The following ENG variants were observed in gnomAD, a reference collection of about 807,000 sequenced individuals.
ENG encodes endoglin.
A neutral mutation model predicts 71.0 loss-of-function variants in ENG; 17 were observed. That is an observed-to-expected ratio of 0.24 (90% CI 0.16 to 0.36). ENG has a LOEUF of 0.36. Ranked by LOEUF, ENG falls within the 10% of genes least tolerant of loss-of-function variation. The pLI, the probability that ENG is intolerant of heterozygous loss-of-function variation, is 1.00. For missense variants in ENG, 749 were observed against 868.3 expected (o/e 0.86, Z 1.73); for synonymous variants, 360 against 366.9 (o/e 0.98, Z 0.21).
chr9:127,824,745 G>A (rs936559200), intron 7 of ENG, 55 bp downstream of exon 7: 1 of 1,446,188 alleles, frequency 6.9e-7, no homozygotes, highest in Non-Finnish European at 9.1e-7. Context: ...CCAACAGTGT[G>A]GCCACTGATC....
In ENG at chr9:127,836,724, T is replaced by C. The variant is rs1206182426; in HGVS notation, c.219+6370A>G. ...ATGGTATTCCCACTTCATTGACTTATGAGGTTTCAGTGCAATTCTGCCTGC... is the reference window on the plus strand; with the variant it reads ...ATGGTATTCCCACTTCATTGACTTACGAGGTTTCAGTGCAATTCTGCCTGC... On this transcript the variant is annotated intron_variant, in intron 2 of 14. Transcript: ENST00000373203. The surrounding 1 kb of genome is among the most constrained non-coding windows in gnomAD (Gnocchi z 4.0). 2.0e-5 allele frequency among the ~76,000 whole-genome samples: 3 copies of C among 152,242 alleles called. No homozygotes were observed. The highest frequency in any genetic ancestry group is 2.9e-5 in the Non-Finnish European group (2 of 68,034).
Position 127,817,220 on chromosome 9 carries a change from G to GCGCA in ENG, c.1687-18_1687-17insTGCG. The GCGCA allele has an allele frequency of 6.2e-7, 1 of 1,614,060 alleles. No individual in the cohort carries two copies. The highest frequency in any genetic ancestry group is 8.5e-7 in the Non-Finnish European group (1 of 1,179,964). ...ATGGACTTCCTGGAGGAGAAAGAGA[G>GCGCA]AGCAGTATGTGGCACCTTTGGGAGG... is the stretch of plus-strand genomic sequence containing the variant. On this transcript the variant is annotated splice_polypyrimidine_tract_variant and intron_variant, in intron 12 of 14. Coordinates refer to ENST00000373203, the MANE Select transcript of ENG (RefSeq NM_001114753.3).
chr9:127,820,961 G>A (rs1830454894), intron 8 of ENG, among the ~76,000 whole-genome samples: 1 of 152,116 alleles, frequency 6.6e-6, no homozygotes, highest in South Asian at 2.1e-4. Context: ...TTCCTATAAA[G>A]AGCCAGATAG....
chr9:127,850,503 G>A (rs905136442), intron 1 of ENG, among the ~76,000 whole-genome samples: 5 of 152,198 alleles, frequency 3.3e-5, no homozygotes, highest in Admixed American at 1.3e-4. Context: ...TAATGGTCAC[G>A]TCCCCCGTGT....
At chr9:127,826,404 G>T in intron 4 of ENG, 106 bp downstream of exon 4, 1 of 1,441,296 alleles carries the variant, frequency 6.9e-7, no homozygotes. Flanking sequence ...GGCACAGCGT[G>T]TCCCCTCCTG....
chr9:127,829,888 C>G (rs1054783017), intron 2 of ENG, 61 bp from the exon 3 acceptor site: 8 of 1,608,488 alleles, frequency 5.0e-6, no homozygotes, highest in Non-Finnish European at 6.8e-6. Flanking sequence ...TTGTGCCACC[C>G]AGACAGGCAG....
At chr9:127,821,290 G>C in intron 8 of ENG, 1 of 151,924 alleles carries the variant, frequency 6.6e-6, no homozygotes, top group East Asian at 1.9e-4. Flanking sequence ...AATTAGCCAG[G>C]TGTGGTGGCA....
chr9:127,839,391 G>A (rs1006031717), intron 2 of ENG, among the ~76,000 whole-genome samples: 1 of 152,132 alleles, frequency 6.6e-6, no homozygotes, highest in African/African-American at 2.4e-5. Flanking sequence ...GAAACCACAG[G>A]GTCCTCAGTG....
chr9:127,824,469 C>T (rs780814647), intron 7 of ENG, 23 bp from the exon 8 acceptor site: 2 of 1,607,652 alleles, frequency 1.2e-6, no homozygotes, highest in South Asian at 2.2e-5. Context: ...AGAGGCAGGC[C>T]AGGCGGCTGG....
rs866528349 is a variant in ENG, at chr9:127,819,727, C to T, written c.1273-67G>A. 6.4e-5 allele frequency: 101 copies of T among 1,584,776 alleles called. 1 individual carries two copies. The highest frequency in any genetic ancestry group is 9.1e-5 in the South Asian group (8 of 88,066). ...ACCCCAGAGGGTATCCCACCCAATA[C>T]GCCCATTTTTGCAGATGGGGAGACT... On this transcript the variant is annotated intron_variant, in intron 9 of 14. Transcript: ENST00000373203.
chr9:127,825,886 C>T lies in ENG; in HGVS notation c.524-26G>A, dbSNP rs1015008803. 15 of 1,566,204 alleles carry T rather than the reference C, an allele frequency of 9.6e-6. No homozygotes were observed. The African/African-American group carries it at 1.8e-4, about 18-fold the overall frequency. ...CTGCAGAGACACGCGCACCTCAGTC[C>T]CTTCCCTCAGCAGCCCTGCACCTAA... On this transcript the variant is annotated intron_variant, in intron 4 of 14. Coordinates refer to ENST00000373203, the MANE Select transcript of ENG (RefSeq NM_001114753.3).
At chr9:127,843,276 G>A (rs764419165) in intron 1 of ENG, 31 bp from the exon 2 acceptor site, 4 of 1,613,952 alleles carry the variant, frequency 2.5e-6, no homozygotes, top group East Asian at 2.2e-5. Context: ...AAGAGGCCAG[G>A]TGAGAATAAG....
chr9:127,833,765 C>T (rs947147402), intron 2 of ENG, among the ~76,000 whole-genome samples: 1 of 152,164 alleles, frequency 6.6e-6, no homozygotes, highest in Non-Finnish European at 1.5e-5. Flanking sequence ...CTTGCCATTT[C>T]CCCAACTGAC....
In ENG at chr9:127,836,989, A is replaced by T. The variant is rs1830917096; in HGVS notation, c.219+6105T>A. 6.6e-6 allele frequency among the ~76,000 whole-genome samples: 1 copy of T among 152,142 alleles called. No homozygotes were observed. Among genetic ancestry groups the T allele is most frequent in the Non-Finnish European group, 1.5e-5 (1 of 68,024 alleles). On this transcript the variant is annotated intron_variant, in intron 2 of 14. Transcript: ENST00000373203. The surrounding 1 kb of genome is among the most constrained non-coding windows in gnomAD (Gnocchi z 4.0). Reference sequence around the variant, plus strand: ...TTTTAGTAGAGACGGGGTTTCGCCCATGTCGGCCAGGCTGGTCTCGAACTC... The same window carrying T: ...TTTTAGTAGAGACGGGGTTTCGCCCTTGTCGGCCAGGCTGGTCTCGAACTC...
At chr9:127,818,693 G>C in intron 11 of ENG, 23 bp downstream of exon 11, 1 of 1,610,780 alleles carries the variant, frequency 6.2e-7, no homozygotes, top group Non-Finnish European at 8.5e-7. Flanking sequence ...GGAGGCCCGA[G>C]GGGTGACAGG....
At chr9:127,851,514 G>A (rs1028281584) in intron 1 of ENG, among the ~76,000 whole-genome samples, 2 of 152,018 alleles carry the variant, frequency 1.3e-5, no homozygotes, top group Non-Finnish European at 2.9e-5. Flanking sequence ...GTGAGCCACT[G>A]CACCCGGCCT....
At chr9:127,820,062 T>C in intron 8 of ENG, 25 bp from the exon 9 acceptor site, 1 of 1,611,172 alleles carries the variant, frequency 6.2e-7, no homozygotes, top group South Asian at 1.1e-5. Context: ...AGGGGCACCA[T>C]CAGGAGGCAC....
chr9:127,834,562 G>A (rs759174080), intron 2 of ENG, among the ~76,000 whole-genome samples: 22 of 152,090 alleles, frequency 1.4e-4, no homozygotes, highest in Admixed American at 3.3e-4. Flanking sequence ...CTGCCACTGC[G>A]CCTGGCTAGT....
intron 2 of ENG, among the ~76,000 whole-genome samples, chr9:127,837,755 C>T (rs1453675485): frequency 1.3e-5 from 2 of 151,544 alleles, no homozygotes; most frequent in African/African-American, 4.9e-5. Flanking sequence ...TCCATCCATC[C>T]TCTCATCCAT....
Sources: allele counts gnomAD v4.1 joint callset (sites outside exome capture counted in the v4.1 genomes callset), GRCh38; gene constraint gnomAD v4.1.1; non-coding constraint Gnocchi (gnomAD v3.1); transcripts MANE v1.5; gene names NCBI Gene and HGNC (gene_info 2026-07-23, HGNC 2026-07-21).